TRIM66: variants seen among roughly 807,000 people sequenced by gnomAD.
TRIM66 encodes tripartite motif-containing protein 66.
TRIM66 carries 99 observed loss-of-function variants against 148.2 expected under a neutral mutation model. The ratio of observed to expected loss-of-function variants is 0.67; its 90% confidence interval spans 0.57 to 0.79. The LOEUF (loss-of-function observed/expected upper bound fraction) is 0.79. Ranked by LOEUF, TRIM66 falls within the 30% of genes least tolerant of loss-of-function variation. The probability of loss-of-function intolerance (pLI) is 0.00; values close to 1 mark genes in which losing one functional copy is unlikely to be tolerated. For missense variants in TRIM66, 1,666 were observed against 1,697.9 expected (o/e 0.98, Z 0.33); for synonymous variants, 616 against 635.9 (o/e 0.97, Z 0.47).
At chr11:8,641,768 T>C (rs1406070380) in intron 13 of TRIM66, among the ~76,000 whole-genome samples, 1 of 152,082 alleles carries the variant, frequency 6.6e-6, no homozygotes, top group Non-Finnish European at 1.5e-5. Context: ...TCATGAGTGG[T>C]TTAGCACCGT....
rs532869255 is a variant in TRIM66 at position 8,613,939 on chromosome 11, A to G, written c.*4005T>C. ...ATTTCCAGTCAACACTGAGAGCTCA[A>G]CTGAGGCTGCCAACTGTGAATCTGT... On this transcript the variant is annotated 3_prime_UTR_variant, in exon 25 of 25. Transcript: ENST00000646038. 70 of 152,376 alleles carry G rather than the reference A, an allele frequency of 4.6e-4. No individual in the cohort carries two copies. The highest frequency in any genetic ancestry group is 1.6e-3 in the African/African-American group (67 of 41,588). The allele number at this position is 152,376 out of a possible 1,614,324, so 9.4% of individuals were successfully genotyped here.
At chr11:8,677,568 T>TA (rs1181287803) in intron 3 of TRIM66, among the ~76,000 whole-genome samples, 2 of 151,694 alleles carry the variant, frequency 1.3e-5, no homozygotes, top group African/African-American at 4.8e-5. Flanking sequence ...TGCTTGAGGC[T>TA]AGCAGTTTGA....
rs2141891615 is a variant in TRIM66 at position 8,625,172 on chromosome 11, T to C, written c.2367A>G (p.Ser789=). Reference sequence around the variant, plus strand: ...CTAGGGGCCTCTCCAACCTGGTAGATGACAACTCCATCTCCAGAGTGTTGG... The same window carrying C: ...CTAGGGGCCTCTCCAACCTGGTAGACGACAACTCCATCTCCAGAGTGTTGG... ...GFSNTLEMEL[S]STRLERPLEP... Residue 789 remains serine (S), a synonymous_variant, in exon 16 of 25, where the codon TCA becomes TCG. Coordinates refer to ENST00000646038, the MANE Select transcript of TRIM66 (RefSeq NM_001388022.1). 6.5e-7 allele frequency: 1 copy of C among 1,539,656 alleles called. No individual in the cohort carries two copies.
intron 15 of TRIM66, among the ~76,000 whole-genome samples, chr11:8,630,276 A>T (rs1168187610): frequency 6.6e-6 from 1 of 152,198 alleles, no homozygotes; most frequent in Middle Eastern, 3.2e-3. Flanking sequence ...CCACCCATGC[A>T]GAAGGGAGCT....
intron 6 of TRIM66, among the ~76,000 whole-genome samples, chr11:8,670,012 T>G (rs777482465): frequency 7.9e-5 from 11 of 138,614 alleles, no homozygotes; most frequent in African/African-American, 1.6e-4. Context: ...GTTTTGTTTT[T>G]ATTTATTTTT....
At chr11:8,649,208 G>T (rs984196421) in intron 8 of TRIM66, among the ~76,000 whole-genome samples, 2 of 152,080 alleles carry the variant, frequency 1.3e-5, no homozygotes, top group Admixed American at 6.5e-5. Context: ...GCGCGGTGGC[G>T]CATGCCTGTA....
Position 8,624,838 on chromosome 11 carries a change from G to A in TRIM66, c.2701C>T (p.Gln901Ter). The A allele has an allele frequency of 6.4e-7, 1 of 1,551,770 alleles. No individual in the cohort carries two copies. The highest frequency in any genetic ancestry group is 8.7e-7 in the Non-Finnish European group (1 of 1,147,000). ...ATGTCAGAAACTGGAGGGATGCTCT[G>A]CAGAGGACAAGTTGCCAGACTCGGC... ...AVPSLATCPL[Q>*]SIPPVSDMQP... is the part of the protein sequence containing the mutation. Residue 901 changes from glutamine (Q) to a stop codon, truncating the protein, a stop_gained, in exon 16 of 25, where the codon CAG becomes TAG. Transcript: ENST00000646038. LOFTEE classifies it high-confidence loss of function.
chr11:8,666,123 G>A (rs1475772320), intron 6 of TRIM66, among the ~76,000 whole-genome samples: 1 of 151,590 alleles, frequency 6.6e-6, no homozygotes, highest in Non-Finnish European at 1.5e-5. Flanking sequence ...GATCACCAGA[G>A]GTCAGGAGTT....
Position 8,620,518 on chromosome 11 carries a change from G to T in TRIM66, c.3600C>A (p.Tyr1200Ter). Residue 1200 changes from tyrosine to a stop codon, truncating the protein, a stop_gained, in exon 21 of 25, where the codon TAC becomes TAA. Coordinates refer to ENST00000646038, the MANE Select transcript of TRIM66 (RefSeq NM_001388022.1). LOFTEE classifies it high-confidence loss of function. The part of the protein sequence containing the change: ...CRSLTQPEME[Y>*]DCENACYNQP... ...GGTTATAGCAGGCATTCTCACAGTC[G>T]TACTCCATCTCGGGCTGGGTCAGGC... is the stretch of plus-strand genomic sequence containing the variant. 6.4e-7 allele frequency: 1 copy of T among 1,551,750 alleles called. No homozygotes were observed. The highest frequency in any genetic ancestry group is 8.7e-7 in the Non-Finnish European group (1 of 1,147,026).
chr11:8,640,786 G>C lies in TRIM66; in HGVS notation c.1589C>G (p.Pro530Arg), dbSNP rs1280134985. ...CSPHPPKLLQ[P>R]WLETQPPVEQ... ...CACGGGGGGCTGGGTTTCCAGCCAG[G>C]GCTGCAGCAGCTTTGGTGGATGAGG... is the stretch of plus-strand genomic sequence containing the variant. Residue 530 changes from proline (P) to arginine (R), a missense_variant, in exon 14 of 25, where the codon CCC becomes CGC. Around this residue, in one of 3 missense-constraint regions of TRIM66, gnomAD observed 1,431 missense variants for 1,412.4 expected, o/e 1.01. Coordinates refer to ENST00000646038, the MANE Select transcript of TRIM66 (RefSeq NM_001388022.1). 6.4e-7 allele frequency: 1 copy of C among 1,550,992 alleles called. No individual in the cohort carries two copies. Among genetic ancestry groups the C allele is most frequent in the Non-Finnish European group, 8.7e-7 (1 of 1,146,990 alleles).
At position 8,628,636 on chromosome 11, in the gene TRIM66, A is replaced by AAAAAAAAAAAAAAAAAAAAAGAGAGAG. The variant is rs1555042270; in HGVS notation, c.2311-3409_2311-3408insCTCTCTCTTTTTTTTTTTTTTTTTTTT. Reference sequence around the variant, plus strand: ...TCAAAAAAAAAAAAAAAAAAAAAAAAAGAGAGAGAATCCAGATCTTTGGTA... The same window carrying AAAAAAAAAAAAAAAAAAAAAGAGAGAG: ...TCAAAAAAAAAAAAAAAAAAAAAAAAAAAAAAAAAAAAAAAAAAAAGAGAGAGAGAGAGAGAATCCAGATCTTTGGTA... On this transcript the variant is annotated intron_variant, in intron 15 of 24. Coordinates refer to ENST00000646038, the MANE Select transcript of TRIM66 (RefSeq NM_001388022.1). Among the ~76,000 whole-genome samples, 117 of 93,294 alleles carry AAAAAAAAAAAAAAAAAAAAAGAGAGAG rather than the reference A, an allele frequency of 1.3e-3. 8 individuals are homozygous for AAAAAAAAAAAAAAAAAAAAAGAGAGAG. Among genetic ancestry groups the AAAAAAAAAAAAAAAAAAAAAGAGAGAG allele is most frequent in the Non-Finnish European group, 2.1e-3 (88 of 42,920 alleles). The allele number at this position is 93,294 out of a possible 152,430, so 61.2% of individuals were successfully genotyped here.
intron 6 of TRIM66, among the ~76,000 whole-genome samples, chr11:8,658,542 G>GT (rs929999382): frequency 2.0e-5 from 3 of 152,206 alleles, no homozygotes; most frequent in Non-Finnish European, 2.9e-5. Flanking sequence ...TGGTGGTGAA[G>GT]TGAGTAGCTG....
In TRIM66 at chr11:8,646,441, A is replaced by T; in HGVS notation, c.957+6T>A. The T allele has an allele frequency of 4.5e-6, 7 of 1,550,478 alleles. No homozygotes were observed. The highest frequency in any genetic ancestry group is 6.1e-6 in the Non-Finnish European group (7 of 1,145,508). Reference sequence around the variant, plus strand: ...CCAACCATCTGATCCATCTGTCTATACATACCTCTAATTCCTCTATTAGCC... The same window carrying T: ...CCAACCATCTGATCCATCTGTCTATTCATACCTCTAATTCCTCTATTAGCC... On this transcript the variant is annotated splice_donor_region_variant and intron_variant, in intron 11 of 24. Transcript: ENST00000646038.
At chr11:8,657,353 A>G (rs1182684750) in intron 6 of TRIM66, among the ~76,000 whole-genome samples, 1 of 152,130 alleles carries the variant, frequency 6.6e-6, no homozygotes, top group African/African-American at 2.4e-5. Flanking sequence ...AATAGCATCC[A>G]CTGGAGGAGC....
Position 8,621,093 on chromosome 11 carries a change from C to A in TRIM66, c.3484G>T (p.Asp1162Tyr). 6.4e-7 allele frequency: 1 copy of A among 1,551,726 alleles called. No individual in the cohort carries two copies. Among genetic ancestry groups the A allele is most frequent in the South Asian group, 1.2e-5 (1 of 84,048 alleles). Reference protein sequence around the residue: ...CLNGGELLCCDRCPKVFHLSC... With the variant: ...CLNGGELLCCYRCPKVFHLSC... ...AGGTGGAACACTTTGGGGCAGCGGT[C>A]ACAGCACAGTAACTCTCCGCCATTG... Residue 1162 changes from aspartate (D) to tyrosine (Y), a missense_variant, in exon 20 of 25, where the codon GAC becomes TAC. Coordinates refer to ENST00000646038, the MANE Select transcript of TRIM66 (RefSeq NM_001388022.1).
chr11:8,671,882 G>A lies in TRIM66; in HGVS notation c.244C>T (p.Leu82Phe), dbSNP rs1218939527. 3 of 1,536,134 alleles carry A rather than the reference G, an allele frequency of 2.0e-6. No individual in the cohort carries two copies. Among genetic ancestry groups the A allele is most frequent in the Admixed American group, 2.0e-5 (1 of 51,002 alleles). The change falls in exon 6 of 25, where the codon CTC (leucine) becomes TTC (phenylalanine). Residue 82 changes from leucine to phenylalanine, a missense_variant. Around this residue, in one of 3 missense-constraint regions of TRIM66, gnomAD observed 1,431 missense variants for 1,412.4 expected, o/e 1.01. Transcript: ENST00000646038. Reference sequence around the variant, plus strand: ...CGGAGCAAATGCTGGCAGGATAGGAGATGAGAGCCCATACCTGGCAGGTCC... The same window carrying A: ...CGGAGCAAATGCTGGCAGGATAGGAAATGAGAGCCCATACCTGGCAGGTCC... ...HQDLPGMGSH[L>F]LSCQHLLRKD...
intron 15 of TRIM66, among the ~76,000 whole-genome samples, chr11:8,628,636 A>AAAAAAAAAAAAAGAGAGAGAGAG (rs1555042270): frequency 1.4e-4 from 13 of 93,384 alleles, no homozygotes; most frequent in African/African-American, 4.2e-4. Flanking sequence ...AAAAAAAAAA[A>AAAAAAAAAAAAAGAGAGAGAGAG]AGAGAGAGAA....
intron 6 of TRIM66, 136 bp from the exon 7 acceptor site, chr11:8,652,039 G>A: frequency 3.0e-6 from 2 of 662,924 alleles, no homozygotes; most frequent in South Asian, 4.0e-5. Context: ...TACACTTGAT[G>A]CCATAGCCTG....
Position 8,624,839 on chromosome 11 carries a change from C to G in TRIM66, c.2700G>C (p.Leu900=), listed in dbSNP as rs1489221353. 1 of 1,551,638 alleles carries G rather than the reference C, an allele frequency of 6.4e-7. No homozygotes were observed. Among genetic ancestry groups the G allele is most frequent in the Non-Finnish European group, 8.7e-7 (1 of 1,147,006 alleles). ...QAVPSLATCP[L]QSIPPVSDMQ... ...TGTCAGAAACTGGAGGGATGCTCTG[C>G]AGAGGACAAGTTGCCAGACTCGGCA... The change falls in exon 16 of 25, where the codon CTG becomes CTC. Residue 900 remains leucine, a synonymous_variant. Transcript: ENST00000646038.
Sources: allele counts gnomAD v4.1 joint callset (sites outside exome capture counted in the v4.1 genomes callset), GRCh38; gene constraint gnomAD v4.1.1; regional missense constraint gnomAD v4.1.1; transcripts MANE v1.5; gene names NCBI Gene and HGNC (gene_info 2026-07-23, HGNC 2026-07-21).